DOCK11: variants seen among roughly 807,000 people sequenced by gnomAD.
DOCK11 encodes dedicator of cytokinesis 11, also known as dedicator of cytokinesis protein 11.
In DOCK11, 70 loss-of-function variants were observed where a neutral mutation model predicts 169.1. The observed-to-expected ratio is 0.41, with a 90% confidence interval of 0.34 to 0.51. The LOEUF is 0.51. Among genes scored for constraint, DOCK11 ranks in the 20% least tolerant of loss-of-function variants. DOCK11 has a pLI of 0.10. For missense variants in DOCK11, 1,166 were observed against 1,538.8 expected (o/e 0.76, Z 4.05); for synonymous variants, 529 against 541.3 (o/e 0.98, Z 0.32).
intron 1 of DOCK11, among the ~76,000 whole-genome samples, chrX:118,540,088 G>GA (rs2011927150): frequency 1.1e-5 from 1 of 88,523 alleles, no homozygotes; most frequent in African/African-American, 4.2e-5. Context: ...GAAAAGAAAA[G>GA]AAAAAAGAAA....
intron 42 of DOCK11, 105 bp from the exon 43 acceptor site, chrX:118,654,497 C>T: frequency 2.8e-6 from 2 of 726,321 alleles, no homozygotes; most frequent in East Asian, 3.2e-5. Context: ...ATACCAAGAA[C>T]TGTAACAGGA....
At chrX:118,552,653 G>A (rs1344794974) in intron 6 of DOCK11, among the ~76,000 whole-genome samples, 2 of 112,251 alleles carry the variant, frequency 1.8e-5, no homozygotes, top group Admixed American at 9.4e-5. Context: ...ATCACTCCAC[G>A]AGTCACAGTG....
At chrX:118,649,398 G>A (rs1053201419) in intron 41 of DOCK11, among the ~76,000 whole-genome samples, 1 of 112,649 alleles carries the variant, frequency 8.9e-6, no homozygotes, top group Admixed American at 9.4e-5. Context: ...ATTAAAATAA[G>A]TCTCTTTTTA....
Position 118,613,628 on chromosome X carries a change from C to T in DOCK11, c.3097-1064C>T, listed in dbSNP as rs1336508850. On this transcript the variant is annotated intron_variant, in intron 28 of 52. Transcript: ENST00000276202. ...GTAGCGAAAGAATTGCTAGGTGTGGCATAAGCCAAAGACTTAGAGGTGGGA... is the reference window on the plus strand; with the variant it reads ...GTAGCGAAAGAATTGCTAGGTGTGGTATAAGCCAAAGACTTAGAGGTGGGA... Among the ~76,000 whole-genome samples, 13 of 112,495 alleles carry T rather than the reference C, an allele frequency of 1.2e-4. No homozygotes were observed. The Admixed American group carries it at 1.2e-3, about 11-fold the overall frequency.
chrX:118,681,896 G>A, intron 51 of DOCK11, 102 bp downstream of exon 51: 1 of 575,173 alleles, frequency 1.7e-6, no homozygotes, highest in East Asian at 3.9e-5. Context: ...CTTCCAAAAA[G>A]GGACATTCTC....
intron 1 of DOCK11, among the ~76,000 whole-genome samples, chrX:118,506,226 G>A (rs185622212): frequency 3.7e-5 from 4 of 107,751 alleles, no homozygotes; most frequent in Admixed American, 3.0e-4. Flanking sequence ...CTGCACTCCA[G>A]CTTGGGTGAC....
Position 118,593,323 on chromosome X carries a change from C to T in DOCK11, c.2249C>T (p.Thr750Ile), listed in dbSNP as rs749123336. The T allele has an allele frequency of 8.3e-7, 1 of 1,202,868 alleles. No individual in the cohort carries two copies. The highest frequency in any genetic ancestry group is 1.8e-5 in the South Asian group (1 of 54,956). ...AAGGGAACAACCAAAAAGCAAGACA[C>T]AGTTGAAACTCCAGGTACGTGTTCT... Reference protein sequence around the residue: ...NTKGTTKKQDTVETPVGFAWV... With the variant: ...NTKGTTKKQDIVETPVGFAWV... The change falls in exon 20 of 53, where the codon ACA becomes ATA. Residue 750 changes from threonine to isoleucine, a missense_variant. Coordinates refer to ENST00000276202, the MANE Select transcript of DOCK11 (RefSeq NM_144658.4).
chrX:118,672,138 C>A (rs1026633505), intron 46 of DOCK11, among the ~76,000 whole-genome samples: 4 of 112,079 alleles, frequency 3.6e-5, no homozygotes, highest in African/African-American at 1.3e-4. Context: ...TAGCGGAGAA[C>A]CTAAAGGTGC....
chrX:118,637,996 G>C, intron 36 of DOCK11, 84 bp from the exon 37 acceptor site: 1 of 791,337 alleles, frequency 1.3e-6, no homozygotes, highest in Non-Finnish European at 1.9e-6. Context: ...GCTATTCTTT[G>C]TAACTTATGA....
chrX:118,563,687 A>G (rs900693602), intron 7 of DOCK11, among the ~76,000 whole-genome samples: 1 of 106,155 alleles, frequency 9.4e-6, no homozygotes, highest in South Asian at 4.1e-4. Flanking sequence ...TTTTATTTTT[A>G]TTATCATTTA....
At chrX:118,648,875 G>C in intron 40 of DOCK11, 70 bp from the exon 41 acceptor site, 1 of 981,921 alleles carries the variant, frequency 1.0e-6, no homozygotes, top group African/African-American at 1.9e-5. Context: ...AGGATATAGA[G>C]GGCACTTGAT....
intron 28 of DOCK11, among the ~76,000 whole-genome samples, chrX:118,611,637 A>G (rs969148924): frequency 2.7e-5 from 3 of 112,981 alleles, no homozygotes; most frequent in African/African-American, 9.6e-5. Flanking sequence ...GGGATATACC[A>G]GAAGAAAACT....
intron 9 of DOCK11, 97 bp downstream of exon 9, chrX:118,566,750 A>G: frequency 1.3e-6 from 1 of 794,506 alleles, no homozygotes; most frequent in East Asian, 3.6e-5. Context: ...TGTCATTTCC[A>G]CGTTAAAAAC....
rs759261269 is a variant in DOCK11 at position 118,578,542 on chromosome X, G to A, written c.1407G>A (p.Thr469=). ...RYIQQGIFSV[T]NPHPEIFLVA... ...TTTCCCAGGGAATTTTCTCAGTGACGAATCCACATCCTGAAATTTTTCTAG... is the reference window on the plus strand; with the variant it reads ...TTTCCCAGGGAATTTTCTCAGTGACAAATCCACATCCTGAAATTTTTCTAG... The change falls in exon 13 of 53, where the codon ACG becomes ACA. Residue 469 remains threonine, a synonymous_variant. Transcript: ENST00000276202. The A allele has an allele frequency of 2.6e-5, 31 of 1,206,631 alleles. No homozygotes were observed. Among genetic ancestry groups the A allele is most frequent in the African/African-American group, 8.8e-5 (5 of 56,961 alleles).
chrX:118,564,696 T>A (rs1310509850), intron 7 of DOCK11, among the ~76,000 whole-genome samples: 2 of 95,216 alleles, frequency 2.1e-5, no homozygotes, highest in African/African-American at 7.2e-5. Context: ...TTTCTTTCTT[T>A]CTGTTTCTTT....
At chrX:118,648,580 TAAA>T in intron 40 of DOCK11, among the ~76,000 whole-genome samples, 1 of 91,128 alleles carries the variant, frequency 1.1e-5, no homozygotes. Flanking sequence ...TACATATATA[TAAA>T]TATATAATAT....
chrX:118,513,810 T>G (rs1376214705), intron 1 of DOCK11, among the ~76,000 whole-genome samples: 1 of 111,407 alleles, frequency 9.0e-6, no homozygotes, highest in African/African-American at 3.3e-5. Context: ...TTTTGCTTCG[T>G]TGGGGTTACT....
At chrX:118,568,373 TATATATATA>T (rs1569418502) in intron 10 of DOCK11, among the ~76,000 whole-genome samples, 35 of 1,155 alleles carry the variant, frequency 0.03, no homozygotes, top group African/African-American at 0.078. Flanking sequence ...GGCTGAATTA[TATATATATA>T]TATATATATA....
At chrX:118,497,711 A>G (rs189302682) in intron 1 of DOCK11, among the ~76,000 whole-genome samples, 5 of 112,111 alleles carry the variant, frequency 4.5e-5, no homozygotes, top group African/African-American at 6.5e-5. Flanking sequence ...TCTACCTAGC[A>G]GAGAACGCTT....
Sources: gnomAD v4.1 joint callset for allele counts (sites outside exome capture counted in the v4.1 genomes callset) on GRCh38, gnomAD v4.1.1 for gene constraint, MANE v1.5 for transcripts, NCBI Gene and HGNC (gene_info 2026-07-23, HGNC 2026-07-21) for gene names.